AMOTL1: variants seen among roughly 807,000 people sequenced by gnomAD.
AMOTL1 encodes the protein angiomotin like 1.
AMOTL1 carries 45 observed loss-of-function variants against 102.9 expected under a neutral mutation model. The ratio of observed to expected loss-of-function variants is 0.44; its 90% CI spans 0.34 to 0.56. AMOTL1 has a LOEUF of 0.56. AMOTL1 is among the 20% of genes least tolerant of loss of function. AMOTL1 has a pLI of 0.01. For missense variants in AMOTL1, 1,114 were observed against 1,225.6 expected, an observed-to-expected ratio of 0.91 and a Z score of 1.36; for synonymous variants, 481 against 484.7, an observed-to-expected ratio of 0.99 and a Z score of 0.10.
chr11:94,768,441 G>C lies in AMOTL1; in HGVS notation c.-71G>C. On this transcript the variant is annotated 5_prime_UTR_variant, in exon 1 of 13. Transcript: ENST00000433060. ...CCTGTGTGAATGGGGTTGATTGTCC[G>C]GCGCCACTTCCCCGCGCTGCCCGGC... 5 of 1,546,856 alleles carry C rather than the reference G, an allele frequency of 3.2e-6. No homozygotes were observed. The highest frequency in any genetic ancestry group is 1.7e-4 in the Middle Eastern group (1 of 5,978).
At chr11:94,754,805 A>T (rs556163120) in intron 3 of AMOTL1, among the ~76,000 whole-genome samples, 2 of 151,290 alleles carry the variant, frequency 1.3e-5, no homozygotes, top group African/African-American at 2.4e-5. Flanking sequence ...TTTCAGATAA[A>T]CAGTGAATAT....
intron 1 of AMOTL1, among the ~76,000 whole-genome samples, chr11:94,776,702 T>A (rs1951029420): frequency 6.6e-6 from 1 of 152,234 alleles, no homozygotes; most frequent in Non-Finnish European, 1.5e-5. Flanking sequence ...GACCCAGCAA[T>A]GTGACCCCTG....
chr11:94,826,812 G>T (rs184587738), intron 4 of AMOTL1, among the ~76,000 whole-genome samples: 9 of 152,044 alleles, frequency 5.9e-5, no homozygotes, highest in African/African-American at 2.2e-4. Flanking sequence ...GCACTGAAGG[G>T]GATTAGTCTT....
chr11:94,790,364 C>T (rs1951262234), intron 1 of AMOTL1, among the ~76,000 whole-genome samples: 1 of 152,154 alleles, frequency 6.6e-6, no homozygotes, highest in East Asian at 1.9e-4. Flanking sequence ...AATTTAAGTA[C>T]CACAAGTTTT....
At chr11:94,724,301 A>G (rs1950220869) in intron 1 of AMOTL1, among the ~76,000 whole-genome samples, 1 of 152,140 alleles carries the variant, frequency 6.6e-6, no homozygotes, top group African/African-American at 2.4e-5. Context: ...AGCACAGAAC[A>G]AGGGGCAGGA....
chr11:94,748,959 A>T (rs935997007), intron 3 of AMOTL1, among the ~76,000 whole-genome samples: 1 of 152,188 alleles, frequency 6.6e-6, no homozygotes, highest in African/African-American at 2.4e-5. Context: ...CTGGATTCTG[A>T]TAACTTCCTC....
intron 8 of AMOTL1, among the ~76,000 whole-genome samples, chr11:94,857,742 T>G (rs1488517906): frequency 6.6e-6 from 1 of 152,204 alleles, no homozygotes; most frequent in African/African-American, 2.4e-5. Context: ...AAGTTAAAGG[T>G]CATGTAGCTA....
intron 3 of AMOTL1, among the ~76,000 whole-genome samples, chr11:94,752,154 T>C (rs781171437): frequency 1.2e-4 from 19 of 152,240 alleles, no homozygotes; most frequent in Middle Eastern, 3.4e-3. Context: ...CATGGTTTGC[T>C]CTCTCTCTCC....
At chr11:94,841,281 A>C (rs1008845973) in intron 6 of AMOTL1, among the ~76,000 whole-genome samples, 2 of 152,174 alleles carry the variant, frequency 1.3e-5, no homozygotes, top group Middle Eastern at 6.8e-3. Flanking sequence ...ATGAAACCCC[A>C]TCTCTACTAA....
At position 94,869,357 on chromosome 11, in the gene AMOTL1, C is replaced by T. The variant is rs1952947072; in HGVS notation, c.2648C>T (p.Ala883Val). The T allele has an allele frequency of 2.0e-5, 32 of 1,610,468 alleles. No homozygotes were observed. Among genetic ancestry groups the T allele is most frequent in the Non-Finnish European group, 2.7e-5 (32 of 1,178,478 alleles). The change falls in exon 12 of 13, where the codon GCC becomes GTC. Residue 883 changes from alanine (A) to valine (V), a missense_variant. Physicochemically the swap from Ala to Val is moderately conservative, Grantham distance 64. Transcript: ENST00000433060. ...AGCAGCACACAGACTGACAAGAGTG[C>T]CGAGCTCTTCTGGCCCAGCATGGCC... The part of the protein sequence containing the change: ...KDSSTQTDKS[A>V]ELFWPSMASL...
intron 3 of AMOTL1, among the ~76,000 whole-genome samples, chr11:94,810,366 G>C (rs555706845): frequency 6.6e-6 from 1 of 152,108 alleles, no homozygotes; most frequent in Non-Finnish European, 1.5e-5. Flanking sequence ...AACTAGTATG[G>C]GGCTAGACCA....
intron 2 of AMOTL1, among the ~76,000 whole-genome samples, chr11:94,732,729 C>G (rs556954900): frequency 1.3e-5 from 2 of 152,180 alleles, no homozygotes; most frequent in Non-Finnish European, 2.9e-5. Context: ...TGTGCTCACT[C>G]AGCTGTTTGG....
At chr11:94,763,608 A>G (rs1442157153), upstream of AMOTL1, among the ~76,000 whole-genome samples, 1 of 152,364 alleles carries the variant, frequency 6.6e-6, no homozygotes, top group Middle Eastern at 3.4e-3. Context: ...TAATATAAAC[A>G]GTTGATTAAC....
intron 3 of AMOTL1, among the ~76,000 whole-genome samples, chr11:94,758,749 A>G (rs567377323): frequency 1.4e-4 from 22 of 152,348 alleles, no homozygotes; most frequent in Admixed American, 2.0e-4. Context: ...AGAATACAAG[A>G]AATTTTTGGG....
At chr11:94,815,372 G>A (rs963179767) in intron 3 of AMOTL1, among the ~76,000 whole-genome samples, 1 of 151,970 alleles carries the variant, frequency 6.6e-6, no homozygotes, top group Non-Finnish European at 1.5e-5. Context: ...TTTGTCTAAT[G>A]TTAAGGTTCT....
rs1953049886 is a variant in AMOTL1 at position 94,873,844 on chromosome 11, G to A, written c.*3049G>A. ...CACACATCTCAGAGCCTAAGAAATA[G>A]GACTAAGCCCAGAACTCCTAGAATC... On this transcript the variant is annotated 3_prime_UTR_variant, in exon 13 of 13. Transcript: ENST00000433060. 1.3e-5 allele frequency: 2 copies of A among 152,040 alleles called. No homozygotes were observed. Among genetic ancestry groups the A allele is most frequent in the Non-Finnish European group, 2.9e-5 (2 of 68,166 alleles). 9.4% of individuals were successfully genotyped at this position (152,040 alleles called of 1,614,324 possible). A position where few individuals can be genotyped will look rare whatever the true frequency, so the allele number is the denominator to read the frequency against.
In AMOTL1 at chr11:94,854,037, G is replaced by A; in HGVS notation, c.1899G>A (p.Leu633=). 1 of 1,562,186 alleles carries A rather than the reference G, an allele frequency of 6.4e-7. No homozygotes were observed. Among genetic ancestry groups the A allele is most frequent in the Non-Finnish European group, 8.7e-7 (1 of 1,152,100 alleles). Residue 633 remains leucine, a synonymous_variant, in exon 8 of 13, where the codon CTG becomes CTA. Transcript: ENST00000433060. ...AGCGAGAACAGATGGAGCGGAGACT[G>A]CGGACTTGGCTGGAGAGAGAGCTGG... ...CEKREQMERR[L]RTWLERELDA...
At chr11:94,848,374 G>T (rs935116263) in intron 6 of AMOTL1, among the ~76,000 whole-genome samples, 2 of 152,146 alleles carry the variant, frequency 1.3e-5, no homozygotes, top group African/African-American at 2.4e-5. Context: ...CAGAAGTAGT[G>T]CTGTGCTCTG....
At chr11:94,770,581 AC>A (rs1289127167) in intron 1 of AMOTL1, among the ~76,000 whole-genome samples, 1 of 152,170 alleles carries the variant, frequency 6.6e-6, no homozygotes, top group African/African-American at 2.4e-5. Context: ...AAGGTGCTGT[AC>A]CTGTAACGCC....
Sources: allele counts gnomAD v4.1 joint callset (sites outside exome capture counted in the v4.1 genomes callset), GRCh38; gene constraint gnomAD v4.1.1; transcripts MANE v1.5; gene names NCBI Gene and HGNC (gene_info 2026-07-23, HGNC 2026-07-21).